LIN28B: variants seen among roughly 807,000 people sequenced by gnomAD.
LIN28B encodes the protein protein lin-28 homolog B.
LIN28B carries 5 observed loss-of-function variants against 21.9 expected under a neutral mutation model. That is an observed-to-expected ratio of 0.23 (90% CI 0.12 to 0.48). The LOEUF (loss-of-function observed/expected upper bound fraction) is 0.48. Among genes scored for constraint, LIN28B ranks in the 20% least tolerant of loss-of-function variants. The pLI, the probability that LIN28B is intolerant of heterozygous loss-of-function variation, is 0.98. For synonymous variants in LIN28B, 109 were observed against 111.3 expected, an observed-to-expected ratio of 0.98 and a Z score of 0.13; for missense variants, 245 against 310.5, an observed-to-expected ratio of 0.79 and a Z score of 1.58.
At chr6:105,070,892 CATTT>C (rs1003008482) in intron 3 of LIN28B, among the ~76,000 whole-genome samples, 9 of 152,200 alleles carry the variant, frequency 5.9e-5, no homozygotes, top group South Asian at 2.1e-4. Context: ...TTCATTCATT[CATTT>C]GACGGAGTCT....
chr6:105,056,018 C>T (rs1405250343), intron 3 of LIN28B, among the ~76,000 whole-genome samples: 1 of 149,636 alleles, frequency 6.7e-6, no homozygotes, highest in Non-Finnish European at 1.5e-5. Flanking sequence ...ACCTTGGCCT[C>T]CCAAGGTGCT....
intron 2 of LIN28B, among the ~76,000 whole-genome samples, chr6:104,977,613 G>C (rs1372853528): frequency 1.3e-5 from 2 of 151,960 alleles, no homozygotes; most frequent in Admixed American, 1.3e-4. Flanking sequence ...TGGCAGCCAG[G>C]CTGGAGTGCA....
chr6:104,947,366 C>T (rs1385233791), intron 2 of LIN28B, among the ~76,000 whole-genome samples: 2 of 152,178 alleles, frequency 1.3e-5, no homozygotes, highest in Admixed American at 6.5e-5. Context: ...TCAAGTGATC[C>T]ACCTGCCTTG....
intron 3 of LIN28B, among the ~76,000 whole-genome samples, chr6:104,952,096 C>G (rs1186659764): frequency 2.0e-5 from 3 of 152,162 alleles, no homozygotes; most frequent in African/African-American, 7.2e-5. Context: ...GGGAGACAGT[C>G]CACATTCTTA....
chr6:105,008,035 G>A (rs1298625323), intron 2 of LIN28B, among the ~76,000 whole-genome samples: 1 of 152,138 alleles, frequency 6.6e-6, no homozygotes, highest in Non-Finnish European at 1.5e-5. Flanking sequence ...TCAGTCATAT[G>A]TAATTTTGTG....
intron 2 of LIN28B, among the ~76,000 whole-genome samples, chr6:105,002,640 A>C (rs1770742057): frequency 6.6e-6 from 1 of 152,210 alleles, no homozygotes; most frequent in African/African-American, 2.4e-5. Flanking sequence ...ATGATTGTGT[A>C]AAGTTTGTTG....
intron 2 of LIN28B, among the ~76,000 whole-genome samples, chr6:105,002,598 C>T (rs944398143): frequency 1.3e-5 from 2 of 152,096 alleles, no homozygotes; most frequent in African/African-American, 4.8e-5. Flanking sequence ...TAGTAGCTAC[C>T]GTCTTGGACA....
intron 3 of LIN28B, among the ~76,000 whole-genome samples, chr6:105,072,286 T>G (rs1772347018): frequency 6.6e-6 from 1 of 152,158 alleles, no homozygotes; most frequent in South Asian, 2.1e-4. Flanking sequence ...AATTTAGATA[T>G]TGTAGTTCCC....
At chr6:104,960,718 C>A (rs1769723147) in intron 2 of LIN28B, among the ~76,000 whole-genome samples, 1 of 151,692 alleles carries the variant, frequency 6.6e-6, no homozygotes, top group Admixed American at 6.6e-5. Context: ...TGCTGAGGAA[C>A]CTAGGATACT....
intron 3 of LIN28B, among the ~76,000 whole-genome samples, chr6:105,071,610 A>T (rs1012127891): frequency 1.3e-5 from 2 of 152,146 alleles, no homozygotes; most frequent in African/African-American, 4.8e-5. Flanking sequence ...TAGGTCAGAG[A>T]GTATGTGTAT....
rs577020186 is a variant in LIN28B, at chr6:105,076,905, A to G, written c.384-1509A>G. Among the ~76,000 whole-genome samples the G allele has an allele frequency of 1.5e-4, 22 of 151,674 alleles. 1 individual carries two copies. The South Asian group carries it at 4.6e-3, about 32-fold the overall frequency. On this transcript the variant is annotated intron_variant, in intron 3 of 3. Transcript: ENST00000345080. The stretch of plus-strand genomic sequence containing the variant: ...AAGCGTGAGCCACCGCCACCCAGCT[A>G]GTTAAAACATTTTGTTATTATTTTT...
intron 3 of LIN28B, among the ~76,000 whole-genome samples, chr6:105,057,177 A>G (rs1406261439): frequency 6.6e-6 from 1 of 152,214 alleles, no homozygotes; most frequent in African/African-American, 2.4e-5. Context: ...TAACTGTGGT[A>G]CCATTTCCAG....
At chr6:104,986,657 A>T (rs913099061) in intron 2 of LIN28B, among the ~76,000 whole-genome samples, 8 of 152,150 alleles carry the variant, frequency 5.3e-5, no homozygotes, top group African/African-American at 1.9e-4. Context: ...TAGTCGTAAG[A>T]ATTGGTCATT....
chr6:104,991,609 G>C (rs181126740), intron 2 of LIN28B, among the ~76,000 whole-genome samples: 1 of 152,174 alleles, frequency 6.6e-6, no homozygotes, highest in East Asian at 1.9e-4. Context: ...CCCAGATGGG[G>C]TGGTGGCCGG....
chr6:105,071,308 TG>T (rs1262559504), intron 3 of LIN28B, among the ~76,000 whole-genome samples: 1 of 152,224 alleles, frequency 6.6e-6, no homozygotes, highest in Non-Finnish European at 1.5e-5. Flanking sequence ...CAATTTGTCT[TG>T]GAGATCTTTG....
intron 2 of LIN28B, among the ~76,000 whole-genome samples, chr6:105,017,327 C>T (rs979543894): frequency 1.3e-5 from 2 of 152,088 alleles, no homozygotes; most frequent in African/African-American, 4.8e-5. Flanking sequence ...GCATTCAGCA[C>T]AGTACCTGTT....
At position 104,964,642 on chromosome 6, in the gene LIN28B, A is replaced by G. The variant is rs146849307; in HGVS notation, c.198+6356A>G. On this transcript the variant is annotated intron_variant, in intron 2 of 3. Transcript: ENST00000345080. ...AAAATAATTGATTATAGCATCTTCT[A>G]ATATCATAAAAGTTGATAACAGTAA... is the stretch of plus-strand genomic sequence containing the variant. Among the ~76,000 whole-genome samples, 38 of 152,326 alleles carry G rather than the reference A, an allele frequency of 2.5e-4. No individual in the cohort carries two copies. The East Asian group carries it at 6.8e-3, about 27-fold the overall frequency.
chr6:105,023,224 T>A (rs1338082376), intron 2 of LIN28B, among the ~76,000 whole-genome samples: 3 of 98,906 alleles, frequency 3.0e-5, no homozygotes, highest in African/African-American at 1.2e-4. Context: ...TATATATATA[T>A]ATAATATATA....
At chr6:105,014,670 T>C (rs1052848964) in intron 2 of LIN28B, among the ~76,000 whole-genome samples, 2 of 152,016 alleles carry the variant, frequency 1.3e-5, no homozygotes, top group African/African-American at 4.8e-5. Context: ...TCCCAGGGGG[T>C]CATGAACACC....
Sources: gnomAD v4.1 joint callset for allele counts (sites outside exome capture counted in the v4.1 genomes callset) on GRCh38, gnomAD v4.1.1 for gene constraint, MANE v1.5 for transcripts, NCBI Gene and HGNC (gene_info 2026-07-23, HGNC 2026-07-21) for gene names.